ARHGEF26: variants seen among roughly 807,000 people sequenced by gnomAD.
The protein encoded by ARHGEF26 is Rho guanine nucleotide exchange factor (GEF) 26.
A neutral mutation model predicts 89.4 loss-of-function variants in ARHGEF26; 59 were observed. That is an observed-to-expected ratio of 0.66 (90% CI 0.54 to 0.82). ARHGEF26 has a LOEUF of 0.82. ARHGEF26 is among the 40% of genes least tolerant of loss of function. The pLI, the probability that ARHGEF26 is intolerant of heterozygous loss-of-function variation, is 0.00. For synonymous variants in ARHGEF26, 500 were observed against 428.4 expected, an observed-to-expected ratio of 1.17 and a Z score of -2.06; for missense variants, 1,234 against 1,085.6, an observed-to-expected ratio of 1.14 and a Z score of -1.92.
chr3:154,244,694 TTATAAA>T (rs1400768805), intron 12 of ARHGEF26, among the ~76,000 whole-genome samples: 3 of 151,790 alleles, frequency 2.0e-5, no homozygotes, highest in African/African-American at 4.8e-5. Context: ...CAATAACAAA[TTATAAA>T]TATATACACA....
intron 12 of ARHGEF26, among the ~76,000 whole-genome samples, chr3:154,249,012 T>C (rs1407726552): frequency 1.3e-5 from 2 of 152,210 alleles, no homozygotes; most frequent in Admixed American, 6.5e-5. Context: ...CGAAGGACTT[T>C]AGAGAAATCA....
chr3:154,216,017 A>C (rs1715703493), intron 9 of ARHGEF26, among the ~76,000 whole-genome samples: 1 of 152,220 alleles, frequency 6.6e-6, no homozygotes. Flanking sequence ...TATATAACAT[A>C]GGAAAAAAAG....
rs1177295534 is a variant in ARHGEF26 at position 154,241,456 on chromosome 3, G to C, written c.2300+877G>C. Reference sequence around the variant, plus strand: ...ACCCTAAAATTGTAGCAAGATCTTAGAGAAAGTGATCCCAAAGAGGTATCT... The same window carrying C: ...ACCCTAAAATTGTAGCAAGATCTTACAGAAAGTGATCCCAAAGAGGTATCT... On this transcript the variant is annotated intron_variant, in intron 12 of 14. Transcript: ENST00000465093. Among the ~76,000 whole-genome samples the C allele has an allele frequency of 5.9e-5, 9 of 152,312 alleles. No homozygotes were observed. In the South Asian group the frequency reaches 1.2e-3, roughly 21 times the overall value.
rs556770991 is a variant in ARHGEF26 at position 154,219,393 on chromosome 3, G to A, written c.1935+1435G>A. On this transcript the variant is annotated intron_variant, in intron 10 of 14. Coordinates refer to ENST00000465093, the MANE Select transcript of ARHGEF26 (RefSeq NM_015595.4). ...GTGAATCACCTGGGGTCAGGAGTTC[G>A]AGAGCAGCCTGACCAACGTGATGAA... is the stretch of plus-strand genomic sequence containing the variant. Among the ~76,000 whole-genome samples the A allele has an allele frequency of 1.6e-4, 25 of 152,070 alleles. 1 individual carries two copies. In the East Asian group the frequency reaches 4.7e-3, roughly 28 times the overall value.
intron 8 of ARHGEF26, 116 bp from the exon 9 acceptor site, chr3:154,194,528 C>A (rs946114266): frequency 2.8e-6 from 2 of 703,714 alleles, no homozygotes; most frequent in Non-Finnish European, 4.9e-6. Flanking sequence ...TCATACTCAT[C>A]CGTAATATCG....
chr3:154,239,251 A>AGAGAGAGG (rs1463006178), intron 11 of ARHGEF26, among the ~76,000 whole-genome samples: 1 of 23,812 alleles, frequency 4.2e-5, no homozygotes, highest in African/African-American at 1.7e-4. Context: ...TAAATGACCG[A>AGAGAGAGG]GAGAGAGAGG....
intron 10 of ARHGEF26, among the ~76,000 whole-genome samples, chr3:154,223,818 C>G (rs954226183): frequency 6.6e-6 from 1 of 152,086 alleles, no homozygotes; most frequent in African/African-American, 2.4e-5. Context: ...GTATTCTACA[C>G]CCTTTGAAGT....
rs866707070 is a variant in ARHGEF26 at position 154,122,252 on chromosome 3, A to C, written c.260A>C (p.Gln87Pro). 2 of 1,611,640 alleles carry C rather than the reference A, an allele frequency of 1.2e-6. No individual in the cohort carries two copies. Among genetic ancestry groups the C allele is most frequent in the African/African-American group, 2.7e-5 (2 of 74,864 alleles). Residue 87 changes from glutamine to proline, a missense_variant, in exon 2 of 15, where the codon CAG becomes CCG. Gln to Pro is a moderately conservative substitution (Grantham distance 76). Transcript: ENST00000465093. The part of the protein sequence containing the change: ...VHRSPLLLGA[Q>P]RRAVANGGTA... ...AGGAGCCCCCTGCTTCTGGGCGCCC[A>C]GCGGAGAGCGGTGGCCAATGGTGGG...
chr3:154,199,984 C>T (rs1395260003), intron 9 of ARHGEF26, among the ~76,000 whole-genome samples: 1 of 151,944 alleles, frequency 6.6e-6, no homozygotes, highest in African/African-American at 2.4e-5. Context: ...CTAGCTTGCA[C>T]ATATTTTCCT....
At chr3:154,173,773 G>A (rs1170193940) in intron 6 of ARHGEF26, among the ~76,000 whole-genome samples, 6 of 152,148 alleles carry the variant, frequency 3.9e-5, no homozygotes, top group Non-Finnish European at 8.8e-5. Context: ...CTCTGCATAT[G>A]TAGAGTGGAG....
intron 10 of ARHGEF26, among the ~76,000 whole-genome samples, chr3:154,223,905 CTT>C (rs1307175157): frequency 6.6e-6 from 1 of 152,042 alleles, no homozygotes; most frequent in Non-Finnish European, 1.5e-5. Flanking sequence ...GCAGCTCTCT[CTT>C]TTCTTGCTGC....
At chr3:154,154,744 G>A (rs529149799) in intron 6 of ARHGEF26, among the ~76,000 whole-genome samples, 7 of 151,914 alleles carry the variant, frequency 4.6e-5, no homozygotes, top group Non-Finnish European at 8.8e-5. Flanking sequence ...CTCCATAGTA[G>A]TTTATGGAGA....
intron 9 of ARHGEF26, among the ~76,000 whole-genome samples, chr3:154,206,371 T>C (rs1238906141): frequency 6.6e-6 from 1 of 152,120 alleles, no homozygotes; most frequent in Non-Finnish European, 1.5e-5. Flanking sequence ...CTCAAACTCC[T>C]GGGCTCCAAA....
At position 154,204,579 on chromosome 3, in the gene ARHGEF26, C is replaced by T. The variant is rs1198835444; in HGVS notation, c.1845+9861C>T. On this transcript the variant is annotated intron_variant, in intron 9 of 14. Coordinates refer to ENST00000465093, the MANE Select transcript of ARHGEF26 (RefSeq NM_015595.4). ...TCCTGGTCTCCAGTGATCCCCCCGCCTCGGCCTACCAAAGTGCTGGGATTA... is the reference window on the plus strand; with the variant it reads ...TCCTGGTCTCCAGTGATCCCCCCGCTTCGGCCTACCAAAGTGCTGGGATTA... Among the ~76,000 whole-genome samples, 10 of 152,054 alleles carry T rather than the reference C, an allele frequency of 6.6e-5. No individual in the cohort carries two copies. In the East Asian group the frequency reaches 1.7e-3, roughly 26 times the overall value.
chr3:154,220,585 G>T (rs987652916), intron 10 of ARHGEF26, among the ~76,000 whole-genome samples: 1 of 152,140 alleles, frequency 6.6e-6, no homozygotes, highest in African/African-American at 2.4e-5. Flanking sequence ...GGTAGACTTG[G>T]GGTGCAAGAG....
intron 9 of ARHGEF26, among the ~76,000 whole-genome samples, chr3:154,211,381 A>G (rs984073123): frequency 9.3e-5 from 14 of 151,156 alleles, no homozygotes; most frequent in Non-Finnish European, 2.1e-4. Context: ...ATGGATGGGT[A>G]TCAGCTGAGT....
At chr3:154,255,008 T>A (rs753636010) in intron 14 of ARHGEF26, among the ~76,000 whole-genome samples, 184 bp downstream of exon 14, 1 of 152,110 alleles carries the variant, frequency 6.6e-6, no homozygotes, top group Non-Finnish European at 1.5e-5. Flanking sequence ...TTTTCCCCAG[T>A]CCCTCAGTGA....
At chr3:154,249,634 AG>A (rs1718003842) in intron 12 of ARHGEF26, among the ~76,000 whole-genome samples, 1 of 152,272 alleles carries the variant, frequency 6.6e-6, no homozygotes, top group South Asian at 2.1e-4. Context: ...GTAAAAAGCA[AG>A]GGACTCCAGT....
At chr3:154,125,817 C>T (rs1718296881) in intron 3 of ARHGEF26, among the ~76,000 whole-genome samples, 1 of 151,908 alleles carries the variant, frequency 6.6e-6, no homozygotes, top group Non-Finnish European at 1.5e-5. Flanking sequence ...ATGAGGAATG[C>T]AGGATTCTTA....
Sources: allele counts gnomAD v4.1 joint callset (sites outside exome capture counted in the v4.1 genomes callset), GRCh38; gene constraint gnomAD v4.1.1; transcripts MANE v1.5; gene names NCBI Gene and HGNC (gene_info 2026-07-23, HGNC 2026-07-21).